The following NEDD4L variants were observed in gnomAD, a reference collection of about 807,000 sequenced individuals.
NEDD4L encodes the protein E3 ubiquitin-protein ligase NEDD4-like.
Under a neutral mutation model 148.9 loss-of-function variants are expected in NEDD4L, and 54 were observed. That is an observed-to-expected ratio of 0.36 (90% CI 0.29 to 0.45). The LOEUF (loss-of-function observed/expected upper bound fraction) is 0.45, where lower values mean the gene tolerates loss of function less well. Among genes scored for constraint, NEDD4L ranks in the 20% least tolerant of loss-of-function variants. The probability of loss-of-function intolerance (pLI) is 1.00; values close to 1 mark genes in which losing one functional copy is unlikely to be tolerated. For missense variants in NEDD4L, 856 were observed against 1,233.8 expected (o/e 0.69, Z 4.59); for synonymous variants, 433 against 440.7 (o/e 0.98, Z 0.22).
chr18:58,328,288 C>A (rs2144589276), intron 9 of NEDD4L, among the ~76,000 whole-genome samples: 2 of 152,256 alleles, frequency 1.3e-5, no homozygotes, highest in Middle Eastern at 6.8e-3. Flanking sequence ...CAAATTGAAT[C>A]AAAACTTTTA....
intron 5 of NEDD4L, among the ~76,000 whole-genome samples, chr18:58,270,839 A>G (rs192713197): frequency 8.2e-4 from 125 of 152,072 alleles, no homozygotes; most frequent in African/African-American, 2.7e-3. Flanking sequence ...GCTCACTAGC[A>G]TTGTTTATAA....
intron 2 of NEDD4L, among the ~76,000 whole-genome samples, chr18:58,227,488 A>G (rs1389847240): frequency 6.6e-6 from 1 of 152,148 alleles, no homozygotes; most frequent in African/African-American, 2.4e-5. Flanking sequence ...ACCTTTACAC[A>G]TTAGTAAAAT....
chr18:58,056,490 A>G (rs1196879300), intron 1 of NEDD4L, among the ~76,000 whole-genome samples: 5 of 152,206 alleles, frequency 3.3e-5, no homozygotes, highest in African/African-American at 7.2e-5. Context: ...AACCAGGTTC[A>G]TTGTTTTTTC....
chr18:58,097,078 A>G (rs1012196182), intron 1 of NEDD4L, among the ~76,000 whole-genome samples: 3 of 152,186 alleles, frequency 2.0e-5, no homozygotes, highest in Admixed American at 1.3e-4. Context: ...GAGGCAAACC[A>G]TTTGGAATTC....
intron 1 of NEDD4L, among the ~76,000 whole-genome samples, chr18:58,152,173 A>G (rs1038045279): frequency 6.6e-6 from 1 of 152,142 alleles, no homozygotes; most frequent in African/African-American, 2.4e-5. Context: ...TACTGTCGCA[A>G]CCCTGAAGCA....
intron 5 of NEDD4L, chr18:58,255,864 C>G: frequency 1.6e-6 from 2 of 1,232,434 alleles, no homozygotes; most frequent in Non-Finnish European, 2.0e-6. Context: ...ATGTTCATCC[C>G]GCAGCTCTTG....
Position 58,351,060 on chromosome 18 carries a change from T to G in NEDD4L, c.1708+15T>G. 6.3e-7 allele frequency: 1 copy of G among 1,579,152 alleles called. No homozygotes were observed. Among genetic ancestry groups the G allele is most frequent in the Non-Finnish European group, 8.6e-7 (1 of 1,160,772 alleles). On this transcript the variant is annotated intron_variant, in intron 18 of 30. Transcript: ENST00000400345. ...TATTGATCATAGTAAGTAGGCGCTG[T>G]TATGGACACACAGGTGTTGTGGGTT...
At chr18:58,107,800 C>T (rs1176394876) in intron 1 of NEDD4L, among the ~76,000 whole-genome samples, 1 of 152,128 alleles carries the variant, frequency 6.6e-6, no homozygotes, top group Non-Finnish European at 1.5e-5. Flanking sequence ...GCAGCTTTAA[C>T]CTCCCAGGCT....
At chr18:58,394,101 C>T (rs2050174784) in intron 30 of NEDD4L, among the ~76,000 whole-genome samples, 1 of 152,228 alleles carries the variant, frequency 6.6e-6, no homozygotes, top group Non-Finnish European at 1.5e-5. Context: ...AGTCACCCAG[C>T]TCATTAGTGC....
Position 58,341,035 on chromosome 18 carries a change from C to T in NEDD4L, c.1126-3C>T. 1 of 1,606,702 alleles carries T rather than the reference C, an allele frequency of 6.2e-7. No individual in the cohort carries two copies. Among genetic ancestry groups the T allele is most frequent in the Non-Finnish European group, 8.5e-7 (1 of 1,177,008 alleles). On this transcript the variant is annotated splice_region_variant and splice_polypyrimidine_tract_variant and intron_variant, in intron 13 of 30. Transcript: ENST00000400345. ...AAATAATAATGATTTCTTGCACAAA[C>T]AGCCATCAGTGGCCTATGTACATAC...
At chr18:58,330,660 G>C (rs979164841) in intron 10 of NEDD4L, 78 bp from the exon 11 acceptor site, 23 of 1,185,562 alleles carry the variant, frequency 1.9e-5, no homozygotes, top group Non-Finnish European at 2.5e-5. Flanking sequence ...GGCTATTGTT[G>C]TTACATGGTT....
At chr18:58,387,519 T>G in intron 27 of NEDD4L, 21 bp downstream of exon 27, 1 of 1,520,702 alleles carries the variant, frequency 6.6e-7, no homozygotes, top group Non-Finnish European at 8.8e-7. Flanking sequence ...TAAACATTAT[T>G]TTATGTAAAG....
intron 1 of NEDD4L, among the ~76,000 whole-genome samples, chr18:58,142,040 C>CTTTTTT (rs552184742): frequency 1.1e-3 from 45 of 41,862 alleles, no homozygotes; most frequent in Non-Finnish European, 1.2e-3. Flanking sequence ...AAATTTCTTT[C>CTTTTTT]TTTTTTTTTT....
At chr18:58,390,833 G>T in intron 29 of NEDD4L, 91 bp downstream of exon 29, 1 of 868,824 alleles carries the variant, frequency 1.2e-6, no homozygotes, top group Non-Finnish European at 1.9e-6. Flanking sequence ...CCAGGCCTCT[G>T]CAGAAGGCTA....
At position 58,259,392 on chromosome 18, in the gene NEDD4L, T is replaced by C. The variant is rs147230252; in HGVS notation, c.297+7338T>C. On this transcript the variant is annotated intron_variant, in intron 5 of 30. Transcript: ENST00000400345. ...TACCAATTCAGTCTGTGGCAGTCAT[T>C]AGTAGTCATTTAGTGAGTAATTTAG... Among the ~76,000 whole-genome samples the C allele has an allele frequency of 4.8e-3, 734 of 152,332 alleles. 9 individuals carry two copies. The highest frequency in any genetic ancestry group is 0.017 in the African/African-American group (698 of 41,572).
At position 58,341,283 on chromosome 18, in the gene NEDD4L, G is replaced by A. The variant is rs528007782; in HGVS notation, c.1257+114G>A. On this transcript the variant is annotated intron_variant, in intron 14 of 30. Transcript: ENST00000400345. ...TTCTGAAAGACCCGTATTTGTAAAA[G>A]CTTTCTCACAAAGAAAATGCATTAC... 5.7e-6 allele frequency: 7 copies of A among 1,229,440 alleles called. No individual in the cohort carries two copies. In the African/African-American group the frequency reaches 7.6e-5, roughly 13 times the overall value. The allele number at this position is 1,229,440 out of a possible 1,614,324, so 76.2% of individuals were successfully genotyped here.
intron 5 of NEDD4L, among the ~76,000 whole-genome samples, chr18:58,312,850 T>C (rs904209442): frequency 5.9e-5 from 9 of 152,154 alleles, no homozygotes; most frequent in African/African-American, 2.2e-4. Context: ...CCAGCTAATT[T>C]TGTGTTTTTA....
chr18:58,164,738 G>C (rs566519298), intron 1 of NEDD4L, among the ~76,000 whole-genome samples: 1 of 152,304 alleles, frequency 6.6e-6, no homozygotes, highest in South Asian at 2.1e-4. Flanking sequence ...CAAAGTGCTG[G>C]GATTACAGGC....
intron 1 of NEDD4L, among the ~76,000 whole-genome samples, chr18:58,068,561 T>A (rs992930242): frequency 6.6e-5 from 10 of 152,188 alleles, no homozygotes; most frequent in Admixed American, 4.6e-4. Context: ...ATGATTTGCT[T>A]TTAGTCTCAG....
Sources: gnomAD v4.1 joint callset for allele counts (sites outside exome capture counted in the v4.1 genomes callset) on GRCh38, gnomAD v4.1.1 for gene constraint, MANE v1.5 for transcripts, NCBI Gene and HGNC (gene_info 2026-07-23, HGNC 2026-07-21) for gene names.